Variants in ZNF532 observed in about 807,000 individuals in gnomAD.
The protein encoded by ZNF532 is zinc finger protein 532.
A neutral mutation model predicts 89.3 loss-of-function variants in ZNF532; 22 were observed. That is an observed-to-expected ratio of 0.25 (90% CI 0.18 to 0.35). The LOEUF (loss-of-function observed/expected upper bound fraction) is 0.35, where lower values mean the gene tolerates loss of function less well. Among genes scored for constraint, ZNF532 ranks in the 10% least tolerant of loss-of-function variants. The probability of loss-of-function intolerance (pLI) is 1.00; values close to 1 mark genes in which losing one functional copy is unlikely to be tolerated. For synonymous variants in ZNF532, 606 were observed against 649.6 expected (o/e 0.93, Z 1.02); for missense variants, 1,132 against 1,643.4 (o/e 0.69, Z 5.38).
intron 2 of ZNF532, among the ~76,000 whole-genome samples, chr18:58,866,232 G>A (rs955906579): frequency 6.6e-6 from 1 of 152,216 alleles, no homozygotes; most frequent in Non-Finnish European, 1.5e-5. Context: ...TTAACTCAAA[G>A]CTGTACTGGA....
At chr18:58,931,003 T>G (rs558509248) in intron 3 of ZNF532, among the ~76,000 whole-genome samples, 1 of 152,346 alleles carries the variant, frequency 6.6e-6, no homozygotes, top group East Asian at 1.9e-4. Context: ...TATTTTCCTA[T>G]AGCTTTCTAG....
At chr18:58,952,633 A>G (rs2064326429) in intron 6 of ZNF532, among the ~76,000 whole-genome samples, 1 of 152,096 alleles carries the variant, frequency 6.6e-6, no homozygotes, top group South Asian at 2.1e-4. Flanking sequence ...CTCAAACTCC[A>G]GGCTTCAAGT....
chr18:58,888,877 T>TA (rs2058660911), intron 2 of ZNF532, among the ~76,000 whole-genome samples: 1 of 36,094 alleles, frequency 2.8e-5, no homozygotes, highest in Non-Finnish European at 4.6e-5. Flanking sequence ...TAATATATAT[T>TA]ATATATATAT....
chr18:58,888,713 A>ATAAAT (rs1555708866), intron 2 of ZNF532, among the ~76,000 whole-genome samples: 1 of 17,702 alleles, frequency 5.6e-5, no homozygotes, highest in Non-Finnish European at 1.1e-4. Context: ...ATATATATAT[A>ATAAAT]TATATATATA....
intron 7 of ZNF532, among the ~76,000 whole-genome samples, chr18:58,955,752 G>T (rs1451116921): frequency 1.3e-5 from 2 of 152,204 alleles, no homozygotes; most frequent in Admixed American, 6.5e-5. Flanking sequence ...AATATATTTG[G>T]CTTTAGTGGC....
At chr18:58,890,638 G>A (rs997027356) in intron 2 of ZNF532, among the ~76,000 whole-genome samples, 37 of 146,924 alleles carry the variant, frequency 2.5e-4, no homozygotes, top group African/African-American at 9.0e-4. Context: ...GGAAGGATAT[G>A]TGAATTACTT....
At chr18:58,928,353 A>T (rs992277616) in intron 3 of ZNF532, among the ~76,000 whole-genome samples, 1 of 152,184 alleles carries the variant, frequency 6.6e-6, no homozygotes, top group Non-Finnish European at 1.5e-5. Context: ...TCTGTAGACA[A>T]TCTATGCAGA....
intron 2 of ZNF532, among the ~76,000 whole-genome samples, chr18:58,869,106 G>C (rs1394236414): frequency 1.3e-5 from 2 of 152,222 alleles, no homozygotes; most frequent in African/African-American, 4.8e-5. Flanking sequence ...CTGTGTGTAC[G>C]TGGGCCATTG....
chr18:58,915,004 G>C (rs559561481), intron 2 of ZNF532, among the ~76,000 whole-genome samples: 1 of 152,304 alleles, frequency 6.6e-6, no homozygotes, highest in African/African-American at 2.4e-5. Context: ...TGAAGTGGGA[G>C]TTATACATTT....
At chr18:58,883,099 T>G (rs749764204) in intron 2 of ZNF532, among the ~76,000 whole-genome samples, 17 of 152,190 alleles carry the variant, frequency 1.1e-4, no homozygotes, top group Non-Finnish European at 1.2e-4. Flanking sequence ...GAGAGGGCCT[T>G]GTGAGGAAGA....
chr18:58,923,798 G>C (rs149083601), intron 3 of ZNF532, among the ~76,000 whole-genome samples: 1 of 152,108 alleles, frequency 6.6e-6, no homozygotes, highest in South Asian at 2.1e-4. Flanking sequence ...AAATGGACAC[G>C]GGAGCCTGAA....
At chr18:58,893,369 A>T (rs2059031718) in intron 2 of ZNF532, among the ~76,000 whole-genome samples, 1 of 152,226 alleles carries the variant, frequency 6.6e-6, no homozygotes, top group Admixed American at 6.5e-5. Context: ...TAGAAATGAG[A>T]TAACTAGTTG....
At chr18:58,898,031 G>A (rs1036894363) in intron 2 of ZNF532, among the ~76,000 whole-genome samples, 2 of 152,140 alleles carry the variant, frequency 1.3e-5, no homozygotes, top group African/African-American at 2.4e-5. Context: ...AAAATTTTTT[G>A]TCAAAGTAAT....
At chr18:58,963,602 AATGT>A (rs957594729) in intron 7 of ZNF532, among the ~76,000 whole-genome samples, 4 of 125,004 alleles carry the variant, frequency 3.2e-5, no homozygotes, top group Admixed American at 2.5e-4. Flanking sequence ...AAAAGAAAAA[AATGT>A]GTGTGTGTGT....
At chr18:58,907,738 T>C (rs2060027128) in intron 2 of ZNF532, among the ~76,000 whole-genome samples, 1 of 152,146 alleles carries the variant, frequency 6.6e-6, no homozygotes, top group South Asian at 2.1e-4. Context: ...AGATTTCTCA[T>C]TTGTGCCTCA....
chr18:58,972,764 G>C lies in ZNF532; in HGVS notation c.3151-6291G>C, dbSNP rs968248118. 8.1e-4 allele frequency among the ~76,000 whole-genome samples: 124 copies of C among 152,148 alleles called. 6 individuals carry two copies. Among genetic ancestry groups the C allele is most frequent in the Non-Finnish European group, 8.8e-5 (6 of 68,028 alleles). On this transcript the variant is annotated intron_variant, in intron 7 of 9. Coordinates refer to ENST00000591808, the MANE Select transcript of ZNF532 (RefSeq NM_001375912.1). Reference sequence around the variant, plus strand: ...CTTATCCGTATTTAAACACCGTCATGTCTTGGCCATCCTGCAGGAAATAAG... The same window carrying C: ...CTTATCCGTATTTAAACACCGTCATCTCTTGGCCATCCTGCAGGAAATAAG...
rs1796330561 is a variant in ZNF532 at position 58,985,976 on chromosome 18, G to T, written c.*1510G>T. The T allele has an allele frequency of 6.6e-6, 1 of 152,448 alleles. No homozygotes were observed. The highest frequency in any genetic ancestry group is 1.5e-5 in the Non-Finnish European group (1 of 68,010). The allele number at this position is 152,448 out of a possible 1,614,324, so 9.4% of individuals were successfully genotyped here. ...GTGCTTCTGTGAGAGAATTATTGAT[G>T]GTGGGTCTCTGACATCTTTGTGAAG... On this transcript the variant is annotated 3_prime_UTR_variant, in exon 10 of 10. Transcript: ENST00000591808.
At chr18:58,875,931 CTTTTTTTT>C (rs71173091) in intron 2 of ZNF532, among the ~76,000 whole-genome samples, 2 of 112,834 alleles carry the variant, frequency 1.8e-5, no homozygotes, top group African/African-American at 3.5e-5. Context: ...ACTTGGGGAT[CTTTTTTTT>C]TTTTTTTTTT....
At chr18:58,946,644 A>C (rs1205161448) in intron 5 of ZNF532, among the ~76,000 whole-genome samples, 1 of 152,156 alleles carries the variant, frequency 6.6e-6, no homozygotes, top group Non-Finnish European at 1.5e-5. Context: ...AGTTTCAAAC[A>C]GGGAGGAAGT....
Sources: allele counts gnomAD v4.1 joint callset (sites outside exome capture counted in the v4.1 genomes callset), GRCh38; gene constraint gnomAD v4.1.1; transcripts MANE v1.5; gene names NCBI Gene and HGNC (gene_info 2026-07-23, HGNC 2026-07-21).